Variants in TBC1D22A observed in about 807,000 individuals in gnomAD.
TBC1D22A encodes putative GTPase activator.
In TBC1D22A, 38 loss-of-function variants were observed where a neutral mutation model predicts 60.2. The observed-to-expected ratio is 0.63, with a 90% confidence interval of 0.49 to 0.83. TBC1D22A has a LOEUF of 0.83. Among genes scored for constraint, TBC1D22A ranks in the 40% least tolerant of loss-of-function variants. The pLI, the probability that TBC1D22A is intolerant of heterozygous loss-of-function variation, is 0.00. For missense variants in TBC1D22A, 628 were observed against 701.0 expected (o/e 0.90, Z 1.18); for synonymous variants, 302 against 281.7 (o/e 1.07, Z -0.72).
At position 47,127,552 on chromosome 22, in the gene TBC1D22A, C is replaced by T. The variant is rs1436868919; in HGVS notation, c.1425+15949C>T. Reference sequence around the variant, plus strand: ...CTGGATTTCTTTTGACGTGGGCCTCCTAGGCTTTCATTATTGCAGCGAGAG... The same window carrying T: ...CTGGATTTCTTTTGACGTGGGCCTCTTAGGCTTTCATTATTGCAGCGAGAG... On this transcript the variant is annotated intron_variant, in intron 12 of 12. Transcript: ENST00000337137. 5.3e-5 allele frequency among the ~76,000 whole-genome samples: 8 copies of T among 152,134 alleles called. No homozygotes were observed. The East Asian group carries it at 1.4e-3, about 26-fold the overall frequency.
At chr22:46,895,212 CT>C (rs2068611332) in intron 7 of TBC1D22A, among the ~76,000 whole-genome samples, 1 of 152,130 alleles carries the variant, frequency 6.6e-6, no homozygotes. Context: ...TCCCCCACCC[CT>C]GTGCAACCCC....
intron 1 of TBC1D22A, among the ~76,000 whole-genome samples, chr22:46,780,485 A>G (rs140763662): frequency 1.2e-3 from 189 of 152,234 alleles, no homozygotes; most frequent in African/African-American, 4.1e-3. Context: ...TTGTTTGAAA[A>G]GAGCACCTTG....
At chr22:47,047,921 A>C (rs998365399) in intron 11 of TBC1D22A, among the ~76,000 whole-genome samples, 1 of 152,192 alleles carries the variant, frequency 6.6e-6, no homozygotes, top group Non-Finnish European at 1.5e-5. Context: ...GGACTTCTCC[A>C]AAGTTTAGAG....
chr22:47,089,354 G>C (rs551945781), intron 11 of TBC1D22A, among the ~76,000 whole-genome samples: 1 of 152,344 alleles, frequency 6.6e-6, no homozygotes, highest in African/African-American at 2.4e-5. Flanking sequence ...AGCGGGGGTC[G>C]GTAATAAATG....
intron 1 of TBC1D22A, among the ~76,000 whole-genome samples, chr22:46,791,773 CT>C (rs2084419906): frequency 6.6e-6 from 1 of 152,008 alleles, no homozygotes; most frequent in African/African-American, 2.4e-5. Context: ...AAGTCTTTTT[CT>C]TTTTGAGATG....
intron 4 of TBC1D22A, among the ~76,000 whole-genome samples, chr22:46,810,817 C>T (rs574375198): frequency 2.4e-4 from 37 of 152,308 alleles, no homozygotes; most frequent in African/African-American, 6.5e-4. Context: ...CCCTTCTAGA[C>T]GCCCCATGGT....
chr22:46,888,614 T>A (rs2068239399), intron 5 of TBC1D22A, among the ~76,000 whole-genome samples: 1 of 152,194 alleles, frequency 6.6e-6, no homozygotes, highest in Non-Finnish European at 1.5e-5. Flanking sequence ...CCAGTCAGAC[T>A]TCATGGGAGA....
intron 11 of TBC1D22A, among the ~76,000 whole-genome samples, chr22:47,046,735 G>T (rs1219432972): frequency 6.6e-6 from 1 of 152,196 alleles, no homozygotes; most frequent in Non-Finnish European, 1.5e-5. Context: ...CACTTGTCCA[G>T]GTTTTAACTG....
intron 12 of TBC1D22A, among the ~76,000 whole-genome samples, chr22:47,126,098 C>G (rs1439350784): frequency 6.6e-6 from 1 of 152,190 alleles, no homozygotes; most frequent in Non-Finnish European, 1.5e-5. Context: ...TCTTCCGTCT[C>G]AGCCTCCCGA....
At chr22:47,048,774 AG>A (rs2063110447) in intron 11 of TBC1D22A, among the ~76,000 whole-genome samples, 1 of 151,202 alleles carries the variant, frequency 6.6e-6, no homozygotes, top group Non-Finnish European at 1.5e-5. Context: ...CTCTGGGGGG[AG>A]GTGGGGCACC....
chr22:47,097,264 G>C (rs1437466481), intron 11 of TBC1D22A, among the ~76,000 whole-genome samples: 1 of 151,870 alleles, frequency 6.6e-6, no homozygotes, highest in Admixed American at 6.6e-5. Context: ...ATCAACTTTG[G>C]AATATGCTTT....
At chr22:47,053,302 C>T (rs761066810) in intron 11 of TBC1D22A, among the ~76,000 whole-genome samples, 3 of 152,214 alleles carry the variant, frequency 2.0e-5, no homozygotes, top group African/African-American at 2.4e-5. Context: ...TTCTCACGTC[C>T]GCAGTGGAGA....
intron 8 of TBC1D22A, chr22:46,914,517 T>A (rs1045885125): frequency 6.6e-6 from 1 of 152,040 alleles, no homozygotes; most frequent in Admixed American, 6.6e-5. Flanking sequence ...TCTAGCTTCC[T>A]AGGTTTGGGG....
At chr22:46,893,197 C>T (rs1186444533) in intron 6 of TBC1D22A, among the ~76,000 whole-genome samples, 2 of 152,230 alleles carry the variant, frequency 1.3e-5, no homozygotes, top group Non-Finnish European at 2.9e-5. Flanking sequence ...TTTATGTGCT[C>T]ACTCTTCTGC....
At chr22:46,868,363 T>C (rs542731653) in intron 4 of TBC1D22A, among the ~76,000 whole-genome samples, 2 of 152,334 alleles carry the variant, frequency 1.3e-5, no homozygotes, top group Non-Finnish European at 2.9e-5. Context: ...GAAATCACCT[T>C]GAGGCTATAT....
intron 4 of TBC1D22A, among the ~76,000 whole-genome samples, chr22:46,832,492 T>C (rs2086354467): frequency 6.6e-6 from 1 of 151,760 alleles, no homozygotes; most frequent in East Asian, 1.9e-4. Context: ...CTACTAAAAA[T>C]ATAAAAAGCT....
chr22:47,103,878 A>C (rs1459762855), intron 11 of TBC1D22A, among the ~76,000 whole-genome samples: 1 of 152,158 alleles, frequency 6.6e-6, no homozygotes, highest in Non-Finnish European at 1.5e-5. Context: ...ATATATCATG[A>C]CTTACTTTCC....
intron 12 of TBC1D22A, 47 bp from the exon 13 acceptor site, chr22:47,173,451 C>T (rs1429046648): frequency 1.9e-6 from 3 of 1,604,532 alleles, no homozygotes; most frequent in Admixed American, 1.7e-5. Flanking sequence ...ACCCGCCCTC[C>T]ACCGTGGGTC....
chr22:46,833,148 A>T (rs2086381674), intron 4 of TBC1D22A, among the ~76,000 whole-genome samples: 1 of 152,168 alleles, frequency 6.6e-6, no homozygotes, highest in South Asian at 2.1e-4. Context: ...ATATGAGTTA[A>T]TCTCTTTCTA....
Sources: allele counts gnomAD v4.1 joint callset (sites outside exome capture counted in the v4.1 genomes callset), GRCh38; gene constraint gnomAD v4.1.1; transcripts MANE v1.5; gene names NCBI Gene and HGNC (gene_info 2026-07-23, HGNC 2026-07-21).